The following MYO16 variants were observed in gnomAD, a reference collection of about 807,000 sequenced individuals.
The protein encoded by MYO16 is myosin XVI.
A neutral mutation model predicts 205.3 loss-of-function variants in MYO16; 94 were observed. That is an observed-to-expected ratio of 0.46 (90% CI 0.39 to 0.54). The LOEUF is 0.54. MYO16 is among the 20% of genes least tolerant of loss of function. The probability of loss-of-function intolerance (pLI) is 0.00; values close to 1 mark genes in which losing one functional copy is unlikely to be tolerated. For missense variants in MYO16, 2,315 were observed against 2,387.5 expected, an observed-to-expected ratio of 0.97 and a Z score of 0.63; for synonymous variants, 988 against 954.0, an observed-to-expected ratio of 1.04 and a Z score of -0.66.
At chr13:108,563,581 A>G in the MYO16 span, among the ~76,000 whole-genome samples, 1 of 152,196 alleles carries the variant, frequency 6.6e-6, no homozygotes, top group Non-Finnish European at 1.5e-5. Flanking sequence ...AATCAGTTAG[A>G]ACATTTGATG....
At chr13:109,025,529 G>C (rs563918786) in intron 23 of MYO16, among the ~76,000 whole-genome samples, 1 of 152,196 alleles carries the variant, frequency 6.6e-6, no homozygotes, top group South Asian at 2.1e-4. Flanking sequence ...ATTAAAGAAG[G>C]CTTGTAGGGT....
At chr13:108,929,507 C>G (rs1159565040) in intron 16 of MYO16, among the ~76,000 whole-genome samples, 1 of 152,194 alleles carries the variant, frequency 6.6e-6, no homozygotes. Context: ...AAGAACAGTG[C>G]ACAATATTTG....
At chr13:108,696,488 A>C (rs973193720) in intron 2 of MYO16, among the ~76,000 whole-genome samples, 5 of 152,194 alleles carry the variant, frequency 3.3e-5, no homozygotes, top group African/African-American at 7.2e-5. Context: ...CACCCCAAAG[A>C]GGACATGCTG....
chr13:109,078,437 T>TA (rs1594064940), intron 27 of MYO16, among the ~76,000 whole-genome samples: 2 of 152,004 alleles, frequency 1.3e-5, no homozygotes, highest in South Asian at 4.1e-4. Context: ...CAAAACTCTT[T>TA]AAAAAAAATT....
intron 4 of MYO16, among the ~76,000 whole-genome samples, chr13:108,730,389 A>G (rs1168899199): frequency 6.6e-6 from 1 of 152,144 alleles, no homozygotes; most frequent in Non-Finnish European, 1.5e-5. Context: ...TACCCAGTCT[A>G]GGGTATTTCT....
intron 27 of MYO16, among the ~76,000 whole-genome samples, chr13:109,067,379 G>C (rs1887786344): frequency 6.6e-6 from 1 of 152,160 alleles, no homozygotes; most frequent in Non-Finnish European, 1.5e-5. Context: ...GTTGATTATT[G>C]CCATCATTCC....
intron 9 of MYO16, among the ~76,000 whole-genome samples, chr13:108,832,026 G>A (rs970534350): frequency 1.3e-5 from 2 of 151,982 alleles, no homozygotes; most frequent in Non-Finnish European, 2.9e-5. Flanking sequence ...GTAACTTTGG[G>A]GTATCATGCT....
At chr13:108,891,557 A>C (rs2139188708) in intron 14 of MYO16, among the ~76,000 whole-genome samples, 1 of 152,322 alleles carries the variant, frequency 6.6e-6, no homozygotes, top group Non-Finnish European at 1.5e-5. Context: ...TTGACAAAAA[A>C]TAATGCATGT....
chr13:109,051,871 G>A (rs1240794302), intron 24 of MYO16, among the ~76,000 whole-genome samples: 1 of 152,034 alleles, frequency 6.6e-6, no homozygotes, highest in Non-Finnish European at 1.5e-5. Flanking sequence ...ACTTACAGAC[G>A]GCTCTGAGAC....
At chr13:108,959,999 A>G in intron 17 of MYO16, among the ~76,000 whole-genome samples, 1 of 151,352 alleles carries the variant, frequency 6.6e-6, no homozygotes, top group Non-Finnish European at 1.5e-5. Flanking sequence ...AAAGCTGGGC[A>G]TGGTGGTGCA....
chr13:108,842,234 G>T (rs7999076), intron 9 of MYO16, among the ~76,000 whole-genome samples: 4,673 of 152,100 alleles, frequency 0.031, 136 homozygotes, highest in East Asian at 0.11. Context: ...AGACTATAAG[G>T]CTTCTGCACA....
chr13:108,903,574 T>C (rs1001872966), intron 15 of MYO16, among the ~76,000 whole-genome samples: 1 of 152,168 alleles, frequency 6.6e-6, no homozygotes, highest in Non-Finnish European at 1.5e-5. Context: ...CAGAGATCTA[T>C]TGTATGAATT....
In MYO16 at chr13:109,168,078, A is replaced by G. The variant is rs577418969; in HGVS notation, c.5323+3019A>G. On this transcript the variant is annotated intron_variant, in intron 33 of 34. Transcript: ENST00000457511. ...CCCTGAAAGAATATTAGTGGGGTAG[A>G]TAATATCCAAACTAGTAAAGAGAGA... Among the ~76,000 whole-genome samples, 4 of 152,282 alleles carry G rather than the reference A, an allele frequency of 2.6e-5. No homozygotes were observed. The South Asian group carries it at 8.3e-4, about 32-fold the overall frequency.
At chr13:108,496,276 A>G in the MYO16 span, among the ~76,000 whole-genome samples, 1 of 152,126 alleles carries the variant, frequency 6.6e-6, no homozygotes, top group Non-Finnish European at 1.5e-5. Flanking sequence ...GGCCATTTCG[A>G]GGGACGCGGA....
chr13:109,022,140 T>A (rs1886046955), intron 23 of MYO16, among the ~76,000 whole-genome samples: 1 of 137,400 alleles, frequency 7.3e-6, no homozygotes, highest in African/African-American at 2.9e-5. Context: ...TACATATATA[T>A]ATTTATATAT....
intron 4 of MYO16, among the ~76,000 whole-genome samples, chr13:108,732,383 T>A (rs1450049411): frequency 6.6e-6 from 1 of 151,836 alleles, no homozygotes; most frequent in Non-Finnish European, 1.5e-5. Context: ...TAGTAAGAGG[T>A]TTTGGAAAGG....
intron 28 of MYO16, among the ~76,000 whole-genome samples, chr13:109,107,851 GTGTC>G (rs1445572663): frequency 8.6e-4 from 55 of 63,640 alleles, no homozygotes; most frequent in African/African-American, 2.6e-3. Flanking sequence ...ATATGTGTGT[GTGTC>G]TGTGTGTGTG....
intron 17 of MYO16, among the ~76,000 whole-genome samples, chr13:108,961,162 C>T (rs1490390392): frequency 1.3e-5 from 2 of 152,138 alleles, no homozygotes; most frequent in African/African-American, 2.4e-5. Flanking sequence ...CAACGTGAGC[C>T]TGGAGAGGAG....
intron 20 of MYO16, among the ~76,000 whole-genome samples, chr13:108,972,351 C>CATCTATAT (rs1406677239): frequency 0.019 from 336 of 17,452 alleles, 129 homozygotes; most frequent in South Asian, 0.052. Context: ...TATATATAGC[C>CATCTATAT]ATATATATAT....
Sources: allele counts gnomAD v4.1 joint callset (sites outside exome capture counted in the v4.1 genomes callset), GRCh38; gene constraint gnomAD v4.1.1; transcripts MANE v1.5; gene names NCBI Gene and HGNC (gene_info 2026-07-23, HGNC 2026-07-21).